The following CAPN8 variants were observed in gnomAD, a reference collection of about 807,000 sequenced individuals.
CAPN8 encodes calpain 8, also known as calpain-8.
A neutral mutation model predicts 80.9 loss-of-function variants in CAPN8; 87 were observed. The observed-to-expected ratio is 1.07, with a 90% CI of 0.90 to 1.28. The LOEUF (loss-of-function observed/expected upper bound fraction) is 1.28, where lower values mean the gene tolerates loss of function less well. Ranked by LOEUF, CAPN8 falls within the 50% of genes most tolerant of loss-of-function variation. The pLI is 0.00. For synonymous variants in CAPN8, 299 were observed against 273.8 expected (o/e 1.09, Z -0.91); for missense variants, 757 against 702.0 (o/e 1.08, Z -0.89).
At chr1:223,641,471 C>T (rs1040541168) in intron 2 of CAPN8, among the ~76,000 whole-genome samples, 1 of 151,978 alleles carries the variant, frequency 6.6e-6, no homozygotes, top group Non-Finnish European at 1.5e-5. Flanking sequence ...TCCTATCTTG[C>T]AATTGTCTCT....
intron 2 of CAPN8, among the ~76,000 whole-genome samples, chr1:223,646,664 T>C (rs1355841441): frequency 6.6e-6 from 1 of 152,200 alleles, no homozygotes; most frequent in East Asian, 1.9e-4. Context: ...CTGGAACTAA[T>C]GGCTGAGGCG....
intron 16 of CAPN8, among the ~76,000 whole-genome samples, chr1:223,546,788 G>C (rs898155587): frequency 6.6e-6 from 1 of 152,206 alleles, no homozygotes; most frequent in Non-Finnish European, 1.5e-5. Context: ...CTTTGTCCCA[G>C]AACACCAGTG....
Position 223,541,703 on chromosome 1 carries a change from T to A in CAPN8, c.*133A>T. The A allele has an allele frequency of 7.0e-7, 1 of 1,425,676 alleles. No homozygotes were observed. The highest frequency in any genetic ancestry group is 9.7e-7 in the Non-Finnish European group (1 of 1,035,120). 88.3% of individuals were successfully genotyped at this position (1,425,676 alleles called of 1,614,324 possible). On this transcript the variant is annotated 3_prime_UTR_variant, in exon 21 of 21. Coordinates refer to ENST00000366872, the MANE Select transcript of CAPN8 (RefSeq NM_001143962.2). ...AGCTCATAGCTCAGTGCTGCTGAAA[T>A]AGACCCAGGGCAAGAAAGGTATGAA... is the stretch of plus-strand genomic sequence containing the variant.
chr1:223,662,505 G>A (rs1276500801), intron 1 of CAPN8, among the ~76,000 whole-genome samples: 2 of 152,054 alleles, frequency 1.3e-5, no homozygotes, highest in African/African-American at 2.4e-5. Flanking sequence ...AACGAAATTC[G>A]GGGAAGAATG....
At chr1:223,642,950 T>C (rs1042265569) in intron 2 of CAPN8, 7 of 370,226 alleles carry the variant, frequency 1.9e-5, no homozygotes, top group African/African-American at 1.5e-4. Context: ...TTTTTCTTAG[T>C]AAATTATAAA....
intron 15 of CAPN8, chr1:223,549,622 G>C (rs540694301): frequency 4.6e-6 from 3 of 657,446 alleles, no homozygotes; most frequent in Non-Finnish European, 8.2e-6. Flanking sequence ...ACCTTGGCTT[G>C]GCTCCCCACA....
chr1:223,653,282 T>C (rs1044998452), intron 2 of CAPN8, among the ~76,000 whole-genome samples: 2 of 151,744 alleles, frequency 1.3e-5, no homozygotes, highest in South Asian at 2.1e-4. Context: ...CGTCACGCTC[T>C]GTGAGCTCTT....
intron 2 of CAPN8, among the ~76,000 whole-genome samples, chr1:223,635,390 G>A (rs1657890016): frequency 1.3e-5 from 2 of 152,204 alleles, no homozygotes; most frequent in South Asian, 4.1e-4. Flanking sequence ...TCCTTGCAGA[G>A]CAGGGCTAAT....
At chr1:223,637,997 G>A (rs982722449) in intron 2 of CAPN8, among the ~76,000 whole-genome samples, 5 of 152,020 alleles carry the variant, frequency 3.3e-5, no homozygotes, top group African/African-American at 1.2e-4. Context: ...AAATGTTTAG[G>A]GATATCTGTA....
At chr1:223,662,409 A>C (rs1658669492) in intron 1 of CAPN8, among the ~76,000 whole-genome samples, 1 of 152,142 alleles carries the variant, frequency 6.6e-6, no homozygotes, top group South Asian at 2.1e-4. Context: ...AGATCGCGCC[A>C]CTGCACTCCA....
chr1:223,541,643 T>C lies in CAPN8; in HGVS notation c.*193A>G, dbSNP rs1656464321. The C allele has an allele frequency of 1.4e-6, 1 of 724,358 alleles. No homozygotes were observed. The highest frequency in any genetic ancestry group is 1.8e-5 in the African/African-American group (1 of 56,786). 44.9% of individuals were successfully genotyped at this position (724,358 alleles called of 1,614,324 possible). ...CTGGCTCACAACTTTAATTGATTGC[T>C]TTCCCTCCACTGGGCCCACCGGGTC... On this transcript the variant is annotated 3_prime_UTR_variant, in exon 21 of 21. Transcript: ENST00000366872.
intron 15 of CAPN8, chr1:223,549,664 A>C: frequency 1.8e-6 from 1 of 549,546 alleles, no homozygotes; most frequent in Non-Finnish European, 3.3e-6. Flanking sequence ...AATATCTTTG[A>C]GCTTTAATTT....
chr1:223,547,124 C>A (rs561553181), intron 16 of CAPN8, among the ~76,000 whole-genome samples: 17 of 152,296 alleles, frequency 1.1e-4, no homozygotes, highest in Admixed American at 1.0e-3. Flanking sequence ...GTGTTCCAGA[C>A]TGGTCTCGAA....
chr1:223,665,331 C>T, intron 1 of CAPN8, 79 bp downstream of exon 1: 1 of 1,172,076 alleles, frequency 8.5e-7, no homozygotes, highest in Non-Finnish European at 1.2e-6. Flanking sequence ...ACAGCCTCAA[C>T]TTCTCCCTCA....
At chr1:223,557,929 AG>A (rs1656943401) in intron 13 of CAPN8, among the ~76,000 whole-genome samples, 1 of 152,216 alleles carries the variant, frequency 6.6e-6, no homozygotes, top group Admixed American at 6.5e-5. Flanking sequence ...CCCAGGGGGT[AG>A]GGATATATTA....
At chr1:223,634,784 C>T (rs530128787) in intron 2 of CAPN8, among the ~76,000 whole-genome samples, 226 of 152,300 alleles carry the variant, frequency 1.5e-3, no homozygotes, top group African/African-American at 5.1e-3. Context: ...ACCTAATCAC[C>T]TCCCAAAGGC....
intron 6 of CAPN8, 68 bp from the exon 7 acceptor site, chr1:223,622,968 A>AAGG: frequency 1.6e-6 from 2 of 1,249,412 alleles, no homozygotes; most frequent in Non-Finnish European, 2.3e-6. Context: ...GCATGTCTGC[A>AAGG]CCTGACAGGA....
intron 2 of CAPN8, among the ~76,000 whole-genome samples, chr1:223,629,841 T>C (rs1657722611): frequency 6.6e-6 from 1 of 152,174 alleles, no homozygotes; most frequent in African/African-American, 2.4e-5. Context: ...AGTCCCTGTT[T>C]CTCCTATTCA....
chr1:223,650,248 C>T (rs1658310149), intron 2 of CAPN8, among the ~76,000 whole-genome samples: 1 of 152,076 alleles, frequency 6.6e-6, no homozygotes, highest in South Asian at 2.1e-4. Flanking sequence ...ACCTGGGATC[C>T]CCCTCCATTT....
Sources: gnomAD v4.1 joint callset for allele counts (sites outside exome capture counted in the v4.1 genomes callset) on GRCh38, gnomAD v4.1.1 for gene constraint, MANE v1.5 for transcripts, NCBI Gene and HGNC (gene_info 2026-07-23, HGNC 2026-07-21) for gene names.